NIPAL3: variants seen among roughly 807,000 people sequenced by gnomAD.
NIPAL3 encodes the protein NIPA-like protein 3.
NIPAL3 carries 41 observed loss-of-function variants against 47.2 expected under a neutral mutation model. The ratio of observed to expected loss-of-function variants is 0.87; its 90% confidence interval spans 0.68 to 1.13. The LOEUF (loss-of-function observed/expected upper bound fraction) is 1.13. Ranked by LOEUF, NIPAL3 falls within the 50% of genes most tolerant of loss-of-function variation. The pLI is 0.00. For missense variants in NIPAL3, 449 were observed against 530.1 expected (o/e 0.85, Z 1.50); for synonymous variants, 194 against 209.6 (o/e 0.93, Z 0.64).
chr1:24,455,495 T>C (rs1343950178), intron 7 of NIPAL3, among the ~76,000 whole-genome samples: 1 of 152,208 alleles, frequency 6.6e-6, no homozygotes, highest in Non-Finnish European at 1.5e-5. Flanking sequence ...GGGGTGTGCA[T>C]TCCAAAACAC....
chr1:24,437,118 G>A (rs1332943181), intron 2 of NIPAL3, among the ~76,000 whole-genome samples: 2 of 151,994 alleles, frequency 1.3e-5, no homozygotes, highest in Non-Finnish European at 2.9e-5. Context: ...CGGGCGAGGT[G>A]GCGGGCGCCT....
At position 24,469,216 on chromosome 1, in the gene NIPAL3, C is replaced by T; in HGVS notation, c.*31C>T. The T allele has an allele frequency of 6.3e-7, 1 of 1,585,812 alleles. No homozygotes were observed. Among genetic ancestry groups the T allele is most frequent in the South Asian group, 1.1e-5 (1 of 89,796 alleles). On this transcript the variant is annotated 3_prime_UTR_variant, in exon 12 of 12. Coordinates refer to ENST00000374399, the MANE Select transcript of NIPAL3 (RefSeq NM_020448.5). ...GCCTCCCTCTATTTATAACTGTCCC[C>T]TCCAGGCTGACAGTGGTTCAACCCT...
In NIPAL3 at chr1:24,442,319, C is replaced by T. The variant is rs1645436562; in HGVS notation, c.334+93C>T. 2.9e-6 allele frequency: 4 copies of T among 1,388,994 alleles called. No homozygotes were observed. The East Asian group carries it at 6.9e-5, about 24-fold the overall frequency. The allele number at this position is 1,388,994 out of a possible 1,614,324, so 86.0% of individuals were successfully genotyped here. Reference sequence around the variant, plus strand: ...GGATCAAAGGTGCCCATTGAACAAACCAGCTTTAGCTTGGATAATAATAGC... The same window carrying T: ...GGATCAAAGGTGCCCATTGAACAAATCAGCTTTAGCTTGGATAATAATAGC... On this transcript the variant is annotated intron_variant, in intron 4 of 11. Coordinates refer to ENST00000374399, the MANE Select transcript of NIPAL3 (RefSeq NM_020448.5).
chr1:24,423,608 G>C (rs1202198466), intron 2 of NIPAL3, among the ~76,000 whole-genome samples: 1 of 152,062 alleles, frequency 6.6e-6, no homozygotes, highest in Admixed American at 6.5e-5. Context: ...CCAGCCTGGG[G>C]GACAGATCGA....
rs1264490598 is a variant in NIPAL3, at chr1:24,464,067, A to G, written c.968A>G (p.Asn323Ser). Residue 323 changes from asparagine (N) to serine (S), a missense_variant, in exon 11 of 12, where the codon AAC (asparagine) becomes AGC (serine). Transcript: ENST00000374399. The stretch of plus-strand genomic sequence containing the variant: ...TTGGGCGTCTTCTTAATCACGCGTA[A>G]CAGGAAGAAGCCCATTCCATTTGAG... ...AFLGVFLITR[N>S]RKKPIPFEPY... 2 of 1,613,366 alleles carry G rather than the reference A, an allele frequency of 1.2e-6. No homozygotes were observed. The highest frequency in any genetic ancestry group is 1.1e-5 in the South Asian group (1 of 91,010).
At chr1:24,448,149 G>C (rs1645761348) in intron 5 of NIPAL3, among the ~76,000 whole-genome samples, 1 of 152,192 alleles carries the variant, frequency 6.6e-6, no homozygotes. Context: ...AAAGATAAAA[G>C]ACATTTAACA....
chr1:24,442,367 C>T lies in NIPAL3; in HGVS notation c.334+141C>T, dbSNP rs185472946. On this transcript the variant is annotated intron_variant, in intron 4 of 11. Transcript: ENST00000374399. ...AGCCTAATACAAAGGGCTTCAGACA[C>T]ACCAGGCCCTGTAAGTGCTTACAGA... 7 of 821,516 alleles carry T rather than the reference C, an allele frequency of 8.5e-6. No individual in the cohort carries two copies. In the Admixed American group the frequency reaches 1.7e-4, roughly 20 times the overall value. 50.9% of individuals were successfully genotyped at this position (821,516 alleles called of 1,614,324 possible).
rs549359189 is a variant in NIPAL3 at position 24,467,529 on chromosome 1, T to C, written c.1022-1457T>C. Among the ~76,000 whole-genome samples, 10 of 152,180 alleles carry C rather than the reference T, an allele frequency of 6.6e-5. No homozygotes were observed. The South Asian group carries it at 2.1e-3, about 32-fold the overall frequency. ...GACTTCCAAGTTGAAACCCCCGAGTTTGGACCCTGGCACTGCCTCTTACTA... is the reference window on the plus strand; with the variant it reads ...GACTTCCAAGTTGAAACCCCCGAGTCTGGACCCTGGCACTGCCTCTTACTA... On this transcript the variant is annotated intron_variant, in intron 11 of 11. Transcript: ENST00000374399.
At position 24,440,182 on chromosome 1, in the gene NIPAL3, T is replaced by C. The variant is rs1265895164; in HGVS notation, c.104T>C (p.Ile35Thr). The C allele has an allele frequency of 6.3e-7, 1 of 1,588,568 alleles. No homozygotes were observed. The highest frequency in any genetic ancestry group is 2.3e-5 in the East Asian group (1 of 43,198). Residue 35 changes from isoleucine (I) to threonine (T), a missense_variant, in exon 3 of 12, where the codon ATT becomes ACT. Coordinates refer to ENST00000374399, the MANE Select transcript of NIPAL3 (RefSeq NM_020448.5). The part of the protein sequence containing the change: ...EASFSYKENL[I>T]GALLAIFGHL... ...GAACTTTCCTTACAGGAAAACCTGA[T>C]TGGCGCCCTCTTGGCGATCTTCGGG...
rs1347514845 is a variant in NIPAL3 at position 24,472,170 on chromosome 1, G to C, written c.*2985G>C. Reference sequence around the variant, plus strand: ...AGGCCTGGGAAGCTCCCTTGCCTTCGGGTTTGGAGCAGTGGCATCATCCCA... The same window carrying C: ...AGGCCTGGGAAGCTCCCTTGCCTTCCGGTTTGGAGCAGTGGCATCATCCCA... On this transcript the variant is annotated 3_prime_UTR_variant, in exon 12 of 12. Coordinates refer to ENST00000374399, the MANE Select transcript of NIPAL3 (RefSeq NM_020448.5). 2 of 152,104 alleles carry C rather than the reference G, an allele frequency of 1.3e-5. No individual in the cohort carries two copies. Among genetic ancestry groups the C allele is most frequent in the African/African-American group, 4.8e-5 (2 of 41,412 alleles). 9.4% of individuals were successfully genotyped at this position (152,104 alleles called of 1,614,324 possible). A position where few individuals can be genotyped will look rare whatever the true frequency, so the allele number is the denominator to read the frequency against.
rs2148824936 is a variant in NIPAL3 at position 24,449,427 on chromosome 1, T to C, written c.395-54T>C. The stretch of plus-strand genomic sequence containing the variant: ...TTTTTTCATGGCTGAGAACGTGTAC[T>C]GTATCTTGGGCCTGTTGTTGCAATG... On this transcript the variant is annotated intron_variant, in intron 5 of 11. Coordinates refer to ENST00000374399, the MANE Select transcript of NIPAL3 (RefSeq NM_020448.5). This position sits in a 1 kb window ranked among gnomAD's most constrained non-coding sequence, Gnocchi z 4.5. The C allele has an allele frequency of 1.9e-6, 3 of 1,597,342 alleles. No individual in the cohort carries two copies. The South Asian group carries it at 3.3e-5, about 18-fold the overall frequency.
chr1:24,416,297 G>A lies in NIPAL3; in HGVS notation c.-258+393G>A, dbSNP rs927080933. 7 of 985,332 alleles carry A rather than the reference G, an allele frequency of 7.1e-6. No individual in the cohort carries two copies. Among genetic ancestry groups the A allele is most frequent in the Non-Finnish European group, 8.4e-6 (7 of 829,958 alleles). 61.0% of individuals were successfully genotyped at this position (985,332 alleles called of 1,614,324 possible). A position where few individuals can be genotyped will look rare whatever the true frequency, so the allele number is the denominator to read the frequency against. On this transcript the variant is annotated intron_variant, in intron 1 of 11. Transcript: ENST00000374399. This position sits in a 1 kb window ranked among gnomAD's most constrained non-coding sequence, Gnocchi z 4.8. Reference sequence around the variant, plus strand: ...TGGAACAGAGGTGCTGTCTCCTCGAGTTGTAAGTTTCCAGCTCAGTGGGAC... The same window carrying A: ...TGGAACAGAGGTGCTGTCTCCTCGAATTGTAAGTTTCCAGCTCAGTGGGAC...
At chr1:24,448,590 A>G (rs1645783440) in intron 5 of NIPAL3, among the ~76,000 whole-genome samples, 1 of 152,186 alleles carries the variant, frequency 6.6e-6, no homozygotes, top group East Asian at 1.9e-4. Flanking sequence ...TTTAGCTTTA[A>G]AATGTTACCT....
At chr1:24,455,986 G>A in intron 7 of NIPAL3, 152 bp from the exon 8 acceptor site, 1 of 837,416 alleles carries the variant, frequency 1.2e-6, no homozygotes, top group Non-Finnish European at 1.9e-6. Context: ...AGTGCAAACG[G>A]CGTCTGTCAC....
rs760613330 is a variant in NIPAL3, at chr1:24,445,252, C to A, written c.394+8C>A. On this transcript the variant is annotated splice_region_variant and intron_variant, in intron 5 of 11. Transcript: ENST00000374399. The stretch of plus-strand genomic sequence containing the variant: ...AACCGAAAGACTTTCTGAGTAAGTT[C>A]AGTGATTTGAGCTGTGTCCTTGATT... 1.9e-6 allele frequency: 3 copies of A among 1,591,292 alleles called. No individual in the cohort carries two copies. Among genetic ancestry groups the A allele is most frequent in the Non-Finnish European group, 2.6e-6 (3 of 1,159,498 alleles).
intron 2 of NIPAL3, among the ~76,000 whole-genome samples, chr1:24,426,257 A>G (rs940806665): frequency 6.6e-6 from 1 of 150,824 alleles, no homozygotes; most frequent in Non-Finnish European, 1.5e-5. Flanking sequence ...ATGCCTGTGT[A>G]TGTTAATAGA....
intron 9 of NIPAL3, among the ~76,000 whole-genome samples, chr1:24,459,414 A>T (rs554731650): frequency 1.2e-3 from 177 of 152,310 alleles, no homozygotes; most frequent in African/African-American, 4.1e-3. Context: ...TCAATAAGTG[A>T]TCATTAGCAT....
intron 10 of NIPAL3, among the ~76,000 whole-genome samples, chr1:24,463,515 A>C (rs1646567586): frequency 6.6e-6 from 1 of 152,238 alleles, no homozygotes; most frequent in Admixed American, 6.5e-5. Flanking sequence ...CTTAATGTTT[A>C]GAAAGTATGC....
rs1382830499 is a variant in NIPAL3 at position 24,442,045 on chromosome 1, G to A, written c.163-10G>A. ...ATCTGAGCAAATTGCATTATTTCTC[G>A]GGTTTCTAGAAGTACTGCCACATCC... is the stretch of plus-strand genomic sequence containing the variant. On this transcript the variant is annotated splice_polypyrimidine_tract_variant and intron_variant, in intron 3 of 11. Coordinates refer to ENST00000374399, the MANE Select transcript of NIPAL3 (RefSeq NM_020448.5). 20 of 1,611,162 alleles carry A rather than the reference G, an allele frequency of 1.2e-5. No individual in the cohort carries two copies. Among genetic ancestry groups the A allele is most frequent in the East Asian group, 2.2e-5 (1 of 44,796 alleles).
Sources: allele counts gnomAD v4.1 joint callset (sites outside exome capture counted in the v4.1 genomes callset), GRCh38; gene constraint gnomAD v4.1.1; non-coding constraint Gnocchi (gnomAD v3.1); transcripts MANE v1.5; gene names NCBI Gene and HGNC (gene_info 2026-07-23, HGNC 2026-07-21).